SHISA9: variants seen among roughly 807,000 people sequenced by gnomAD.
The protein encoded by SHISA9 is protein shisa-9.
A neutral mutation model predicts 38.0 loss-of-function variants in SHISA9; 13 were observed. That is an observed-to-expected ratio of 0.34 (90% CI 0.22 to 0.54). SHISA9 has a LOEUF of 0.54. SHISA9 is among the 20% of genes least tolerant of loss of function. The probability of loss-of-function intolerance (pLI) is 0.91; values close to 1 mark genes in which losing one functional copy is unlikely to be tolerated. For missense variants in SHISA9, 538 were observed against 575.8 expected (o/e 0.93, Z 0.67); for synonymous variants, 275 against 242.0 (o/e 1.14, Z -1.27).
the SHISA9 span, among the ~76,000 whole-genome samples, chr16:13,365,803 A>G: frequency 1.1e-4 from 16 of 152,126 alleles, no homozygotes; most frequent in Admixed American, 7.9e-4. Context: ...GATTGCAAAC[A>G]TATTCGGAAC....
the SHISA9 span, among the ~76,000 whole-genome samples, chr16:13,254,659 A>G: frequency 2.0e-5 from 3 of 151,996 alleles, no homozygotes; most frequent in Non-Finnish European, 4.4e-5. Flanking sequence ...CCCACTAATC[A>G]CCTCCCCCAG....
intron 2 of SHISA9, among the ~76,000 whole-genome samples, chr16:13,153,952 G>C (rs1242666144): frequency 6.6e-6 from 1 of 151,498 alleles, no homozygotes; most frequent in Non-Finnish European, 1.5e-5. Context: ...TCTGAGGGCT[G>C]GGATGGGAGT....
the SHISA9 span, among the ~76,000 whole-genome samples, chr16:13,358,835 T>C: frequency 6.6e-6 from 1 of 152,182 alleles, no homozygotes; most frequent in Admixed American, 6.5e-5. Flanking sequence ...GAACATGATA[T>C]GATTGACAGG....
chr16:13,376,919 C>G, the SHISA9 span, among the ~76,000 whole-genome samples: 1 of 152,166 alleles, frequency 6.6e-6, no homozygotes, highest in Non-Finnish European at 1.5e-5. Flanking sequence ...TCAAGTGATC[C>G]ACCCGCCTTG....
At chr16:13,341,089 G>T in the SHISA9 span, among the ~76,000 whole-genome samples, 1 of 152,114 alleles carries the variant, frequency 6.6e-6, no homozygotes, top group Admixed American at 6.5e-5. Flanking sequence ...AAGCTCCACT[G>T]GGAAGGATCC....
At chr16:13,375,808 A>T in the SHISA9 span, among the ~76,000 whole-genome samples, 1 of 152,210 alleles carries the variant, frequency 6.6e-6, no homozygotes, top group African/African-American at 2.4e-5. Flanking sequence ...ATTCATGGAT[A>T]AGAAGACTTA....
At chr16:13,157,912 T>C (rs1214451712) in intron 2 of SHISA9, among the ~76,000 whole-genome samples, 1 of 152,198 alleles carries the variant, frequency 6.6e-6, no homozygotes, top group Non-Finnish European at 1.5e-5. Flanking sequence ...GCTCCATTTG[T>C]TTGTTTTCAA....
At chr16:13,301,284 G>C in the SHISA9 span, among the ~76,000 whole-genome samples, 3 of 152,180 alleles carry the variant, frequency 2.0e-5, no homozygotes, top group South Asian at 6.2e-4. Context: ...GTGATGGTTT[G>C]CACTTCTCAA....
At chr16:13,472,030 C>T in the SHISA9 span, among the ~76,000 whole-genome samples, 1 of 152,082 alleles carries the variant, frequency 6.6e-6, no homozygotes, top group Non-Finnish European at 1.5e-5. Context: ...TCTAGAGGAG[C>T]GTGTTCCATT....
the SHISA9 span, among the ~76,000 whole-genome samples, chr16:13,402,354 G>C: frequency 1.3e-5 from 2 of 152,034 alleles, no homozygotes; most frequent in African/African-American, 4.8e-5. Flanking sequence ...TAAGTCCAAG[G>C]GTACAAAGTT....
At chr16:13,416,541 A>G in the SHISA9 span, among the ~76,000 whole-genome samples, 1 of 152,236 alleles carries the variant, frequency 6.6e-6, no homozygotes, top group East Asian at 1.9e-4. Flanking sequence ...TGTGGAAACC[A>G]CTTAGAAACC....
chr16:13,559,348 G>A, the SHISA9 span, among the ~76,000 whole-genome samples: 28 of 146,840 alleles, frequency 1.9e-4, no homozygotes, highest in Non-Finnish European at 3.5e-4. Flanking sequence ...GTCAAAGCAA[G>A]CATGGATTTT....
the SHISA9 span, among the ~76,000 whole-genome samples, chr16:13,514,414 T>A: frequency 6.6e-6 from 1 of 151,846 alleles, no homozygotes; most frequent in South Asian, 2.1e-4. Flanking sequence ...AAATGACACA[T>A]ATGGTAGAAT....
At chr16:13,268,057 G>T in the SHISA9 span, among the ~76,000 whole-genome samples, 2 of 151,914 alleles carry the variant, frequency 1.3e-5, no homozygotes, top group Admixed American at 1.3e-4. Flanking sequence ...AATTCATGGG[G>T]GCACTTCTAG....
At chr16:13,026,244 T>TC (rs1555455900) in intron 2 of SHISA9, among the ~76,000 whole-genome samples, 4 of 674 alleles carry the variant, frequency 5.9e-3, no homozygotes, top group Non-Finnish European at 0.018. Context: ...CCCCTCCCTA[T>TC]CCCCCGGCAA....
intron 2 of SHISA9, among the ~76,000 whole-genome samples, chr16:13,111,611 T>A (rs1024714444): frequency 6.6e-6 from 1 of 152,216 alleles, no homozygotes; most frequent in Admixed American, 6.5e-5. Context: ...CTATCATTAC[T>A]ATTAGTTTGA....
chr16:13,144,142 T>A (rs1442991473), intron 2 of SHISA9, among the ~76,000 whole-genome samples: 1 of 151,386 alleles, frequency 6.6e-6, no homozygotes, highest in Non-Finnish European at 1.5e-5. Flanking sequence ...TATTTTGCAG[T>A]TGGAGGGGCT....
At chr16:13,362,772 C>G in the SHISA9 span, among the ~76,000 whole-genome samples, 1 of 152,186 alleles carries the variant, frequency 6.6e-6, no homozygotes, top group Non-Finnish European at 1.5e-5. Flanking sequence ...CTCCCAACTC[C>G]TGGAGCAAAG....
chr16:13,213,188 G>A (rs960789241), intron 3 of SHISA9, 65 bp from the exon 4 acceptor site: 7 of 1,430,124 alleles, frequency 4.9e-6, no homozygotes, highest in Non-Finnish European at 6.7e-6. Flanking sequence ...CTGGGTGTGA[G>A]GGCATAGTGA....
Sources: gnomAD v4.1 joint callset for allele counts (sites outside exome capture counted in the v4.1 genomes callset) on GRCh38, gnomAD v4.1.1 for gene constraint, MANE v1.5 for transcripts, NCBI Gene and HGNC (gene_info 2026-07-23, HGNC 2026-07-21) for gene names.